Variants in SLC2A7 observed in about 807,000 individuals in gnomAD.
The protein encoded by SLC2A7 is solute carrier family 2, facilitated glucose transporter member 7.
Under a neutral mutation model 50.5 loss-of-function variants are expected in SLC2A7, and 50 were observed. The observed-to-expected ratio is 0.99, with a 90% CI of 0.79 to 1.25. SLC2A7 has a LOEUF of 1.25. SLC2A7 is among the 50% of genes most tolerant of loss of function. The probability of loss-of-function intolerance (pLI) is 0.00; values close to 1 mark genes in which losing one functional copy is unlikely to be tolerated. For missense variants in SLC2A7, 683 were observed against 679.1 expected, an observed-to-expected ratio of 1.01 and a Z score of -0.06; for synonymous variants, 308 against 300.4, an observed-to-expected ratio of 1.03 and a Z score of -0.26.
At chr1:9,009,497 C>T (rs1306705775) in intron 9 of SLC2A7, among the ~76,000 whole-genome samples, 1 of 152,170 alleles carries the variant, frequency 6.6e-6, no homozygotes, top group Admixed American at 6.6e-5. Flanking sequence ...CTCACTGTCC[C>T]CCAGGCTGGA....
chr1:9,003,641 T>A, intron 11 of SLC2A7, 123 bp from the exon 12 acceptor site: 1 of 785,806 alleles, frequency 1.3e-6, no homozygotes, highest in East Asian at 2.7e-5. Flanking sequence ...GTGGATCACC[T>A]GAGGTCAGGA....
rs747372560 is a variant in SLC2A7 at position 9,014,851 on chromosome 1, C to T, written c.733G>A (p.Gly245Ser). ...TARQALRRLR[G>S]HTDMEAELED... ...AGCTCGGCCTCCATGTCCGTGTGGC[C>T]TCTCAGCCTCCTCAGAGCTGCGGAA... The change falls in exon 7 of 12, where the codon GGC becomes AGC. Residue 245 changes from glycine (G) to serine (S), a missense_variant. Physicochemically the swap from Gly to Ser is moderately conservative, Grantham distance 56 (BLOSUM62 0). Transcript: ENST00000400906. 28 of 1,602,334 alleles carry T rather than the reference C, an allele frequency of 1.7e-5. No homozygotes were observed. Among genetic ancestry groups the T allele is most frequent in the Middle Eastern group, 3.5e-4 (2 of 5,640 alleles).
chr1:9,016,686 A>G (rs537639794), intron 5 of SLC2A7, among the ~76,000 whole-genome samples: 1 of 152,030 alleles, frequency 6.6e-6, no homozygotes, highest in African/African-American at 2.4e-5. Flanking sequence ...GGAGAGAGGA[A>G]GGAAGGAAGG....
intron 11 of SLC2A7, 86 bp from the exon 12 acceptor site, chr1:9,003,604 T>A (rs1569778449): frequency 8.0e-7 from 1 of 1,245,912 alleles, no homozygotes; most frequent in South Asian, 1.3e-5. Context: ...ATGCCTGTAA[T>A]CCCAGCACTT....
intron 4 of SLC2A7, among the ~76,000 whole-genome samples, chr1:9,018,697 T>C (rs1012713518): frequency 1.3e-5 from 2 of 152,238 alleles, no homozygotes; most frequent in African/African-American, 4.8e-5. Context: ...CTTTGGTCTA[T>C]TTTCTGATTT....
downstream of SLC2A7, among the ~76,000 whole-genome samples, chr1:8,998,345 C>T (rs934458336): frequency 1.3e-5 from 2 of 151,946 alleles, no homozygotes; most frequent in Admixed American, 1.3e-4. Flanking sequence ...GTGGAGGTTG[C>T]AGTGAGCCGA....
downstream of SLC2A7, among the ~76,000 whole-genome samples, chr1:9,002,113 C>G (rs921880489): frequency 2.6e-5 from 4 of 152,084 alleles, no homozygotes; most frequent in African/African-American, 9.7e-5. Context: ...CAATGCACTG[C>G]GGAAGGCCAC....
In SLC2A7 at chr1:9,023,045, C is replaced by G. The variant is rs533307752; in HGVS notation, c.184G>C (p.Glu62Gln). Residue 62 changes from glutamate to glutamine, a missense_variant, in exon 3 of 12, where the codon GAG becomes CAG. Transcript: ENST00000400906. ...CCGTCCATGAATGTTGCGTGTCGCTCAAAGTAGGTTTCGTTGTAAAATGAC... is the reference window on the plus strand; with the variant it reads ...CCGTCCATGAATGTTGCGTGTCGCTGAAAGTAGGTTTCGTTGTAAAATGAC... ...FKSFYNETYF[E>Q]RHATFMDGKL... is the part of the protein sequence containing the mutation. 5 of 1,614,028 alleles carry G rather than the reference C, an allele frequency of 3.1e-6. No homozygotes were observed. In the East Asian group the frequency reaches 1.1e-4, roughly 36 times the overall value.
chr1:9,010,090 C>T, intron 9 of SLC2A7, 53 bp downstream of exon 9: 1 of 1,495,128 alleles, frequency 6.7e-7, no homozygotes, highest in Non-Finnish European at 9.1e-7. Flanking sequence ...AGTCAGGGGA[C>T]CTCCCACCCT....
In SLC2A7 at chr1:9,014,667, A is replaced by G; in HGVS notation, c.903+14T>C. The G allele has an allele frequency of 6.4e-7, 1 of 1,551,252 alleles. No homozygotes were observed. Among genetic ancestry groups the G allele is most frequent in the South Asian group, 1.2e-5 (1 of 84,068 alleles). On this transcript the variant is annotated intron_variant, in intron 7 of 11. Coordinates refer to ENST00000400906, the MANE Select transcript of SLC2A7 (RefSeq NM_207420.3). Reference sequence around the variant, plus strand: ...GCTTCATCTGTCTCCCTGCCTGGCCACCGTCCCACATACCGCATTGATGCC... The same window carrying G: ...GCTTCATCTGTCTCCCTGCCTGGCCGCCGTCCCACATACCGCATTGATGCC...
intron 5 of SLC2A7, 96 bp downstream of exon 5, chr1:9,018,127 C>T: frequency 6.6e-7 from 1 of 1,521,750 alleles, no homozygotes; most frequent in East Asian, 2.3e-5. Flanking sequence ...ACCCTAAAAT[C>T]ATCTCTCGGG....
At chr1:9,016,421 A>G (rs1468436435) in intron 5 of SLC2A7, among the ~76,000 whole-genome samples, 1 of 152,178 alleles carries the variant, frequency 6.6e-6, no homozygotes, top group African/African-American at 2.4e-5. Flanking sequence ...CCTGGACAAC[A>G]TAGTGAGACC....
At chr1:9,022,002 G>T (rs1640919290) in intron 3 of SLC2A7, among the ~76,000 whole-genome samples, 1 of 152,156 alleles carries the variant, frequency 6.6e-6, no homozygotes, top group Non-Finnish European at 1.5e-5. Flanking sequence ...AGAGTGAATT[G>T]TTTCTTCTTT....
intron 5 of SLC2A7, among the ~76,000 whole-genome samples, chr1:9,017,872 C>A (rs535988562): frequency 1.6e-4 from 24 of 152,320 alleles, no homozygotes; most frequent in Admixed American, 4.6e-4. Flanking sequence ...GCTTGCCCTG[C>A]ATTGACTTCC....
At chr1:9,001,358 T>C (rs1640569392), downstream of SLC2A7, among the ~76,000 whole-genome samples, 1 of 150,526 alleles carries the variant, frequency 6.6e-6, no homozygotes, top group South Asian at 2.1e-4. Context: ...TCATCTCGAG[T>C]GATAGAATCA....
At chr1:9,020,675 CT>C (rs1553167006) in intron 3 of SLC2A7, among the ~76,000 whole-genome samples, 27 of 143,260 alleles carry the variant, frequency 1.9e-4, no homozygotes, top group Non-Finnish European at 1.5e-4. Context: ...GATATTCTCT[CT>C]TTTTTTTTTT....
At position 9,004,853 on chromosome 1, in the gene SLC2A7, C is replaced by A. The variant is rs556461134; in HGVS notation, c.1219G>T (p.Glu407Ter). The A allele has an allele frequency of 6.2e-7, 1 of 1,613,944 alleles. No homozygotes were observed. Among genetic ancestry groups the A allele is most frequent in the Non-Finnish European group, 8.5e-7 (1 of 1,179,916 alleles). ...PSPVPSVVRT[E>*]IFLQSSRRAA... ...CGCCGGGAGGACTGCAGGAAGATCT[C>A]GGTCCTCACCACCGAGGGGACAGGA... Residue 407 changes from glutamate (E) to a stop codon, truncating the protein, a stop_gained, in exon 11 of 12, where the codon GAG (glutamate) becomes TAG (stop). Coordinates refer to ENST00000400906, the MANE Select transcript of SLC2A7 (RefSeq NM_207420.3). LOFTEE classifies it high-confidence loss of function.
the SLC2A7 span, among the ~76,000 whole-genome samples, chr1:8,997,616 T>A: frequency 6.6e-6 from 1 of 152,086 alleles, no homozygotes; most frequent in East Asian, 1.9e-4. Flanking sequence ...ACCAGGCTAG[T>A]CTCGAACTCC....
chr1:9,014,625 C>A lies in SLC2A7; in HGVS notation c.903+56G>T. The A allele has an allele frequency of 7.8e-6, 12 of 1,540,748 alleles. No individual in the cohort carries two copies. The South Asian group carries it at 1.1e-4, about 14-fold the overall frequency. On this transcript the variant is annotated intron_variant, in intron 7 of 11. Transcript: ENST00000400906. ...TGTGGGTGGAACTGTGTGTTGCTATCCATGAAGCCTGGGTCTGCTTCATCT... is the reference window on the plus strand; with the variant it reads ...TGTGGGTGGAACTGTGTGTTGCTATACATGAAGCCTGGGTCTGCTTCATCT...
Sources: gnomAD v4.1 joint callset for allele counts (sites outside exome capture counted in the v4.1 genomes callset) on GRCh38, gnomAD v4.1.1 for gene constraint, MANE v1.5 for transcripts, NCBI Gene and HGNC (gene_info 2026-07-23, HGNC 2026-07-21) for gene names.